Variants in CCDC149 observed in about 807,000 individuals in gnomAD.
CCDC149 encodes coiled-coil domain-containing protein 149.
Under a neutral mutation model 59.9 loss-of-function variants are expected in CCDC149, and 45 were observed. The ratio of observed to expected loss-of-function variants is 0.75; its 90% CI spans 0.59 to 0.96. The LOEUF (loss-of-function observed/expected upper bound fraction) is 0.96, where lower values mean the gene tolerates loss of function less well. Ranked by LOEUF, CCDC149 falls within the 40% of genes least tolerant of loss-of-function variation. The pLI is 0.00. For synonymous variants in CCDC149, 245 were observed against 260.6 expected (o/e 0.94, Z 0.58); for missense variants, 584 against 664.7 (o/e 0.88, Z 1.33).
At chr4:24,866,140 GA>G (rs1718681323) in intron 3 of CCDC149, among the ~76,000 whole-genome samples, 1 of 152,134 alleles carries the variant, frequency 6.6e-6, no homozygotes, top group African/African-American at 2.4e-5. Flanking sequence ...TTATGGAAAT[GA>G]AAGGTTCCTT....
chr4:24,808,686 AT>A lies in CCDC149; in HGVS notation c.1325del (p.His442LeufsTer13). 6.4e-7 allele frequency: 1 copy of A among 1,552,354 alleles called. No individual in the cohort carries two copies. Among genetic ancestry groups the A allele is most frequent in the Non-Finnish European group, 8.7e-7 (1 of 1,147,130 alleles). On this transcript the variant is annotated frameshift_variant, in exon 13 of 13. Transcript: ENST00000635206. LOFTEE classifies it low-confidence loss of function (END_TRUNC). ...CAGAAGGTAACTGGGGTAATGAAGG[AT>A]GAAAGAGCTTGCATTGGTTCCCGCG...
chr4:24,883,371 G>C (rs13140712), intron 1 of CCDC149, among the ~76,000 whole-genome samples: 63,488 of 149,106 alleles, frequency 0.43, 14,486 homozygotes, highest in Non-Finnish European at 0.52. Context: ...CATTTTAAAA[G>C]TCTGAAAACT....
downstream of CCDC149, among the ~76,000 whole-genome samples, chr4:24,803,992 T>C (rs1448791797): frequency 6.6e-6 from 1 of 152,100 alleles, no homozygotes; most frequent in Admixed American, 6.6e-5. This position sits in a 1 kb window ranked among gnomAD's most constrained non-coding sequence, Gnocchi z 4.3. Flanking sequence ...CCCAATTGCA[T>C]CTCTCTGATC....
intron 2 of CCDC149, among the ~76,000 whole-genome samples, chr4:24,875,844 C>T (rs1293036638): frequency 6.6e-6 from 1 of 152,108 alleles, no homozygotes; most frequent in Non-Finnish European, 1.5e-5. Context: ...TTTTAAAGAA[C>T]TCTATATAAT....
At chr4:24,950,499 G>A (rs1395118022) in intron 1 of CCDC149, among the ~76,000 whole-genome samples, 1 of 152,206 alleles carries the variant, frequency 6.6e-6, no homozygotes, top group Non-Finnish European at 1.5e-5. Context: ...TGGGAATATG[G>A]CTGCTGGGAA....
intron 3 of CCDC149, among the ~76,000 whole-genome samples, chr4:24,856,785 C>T (rs1463830603): frequency 6.6e-6 from 1 of 152,244 alleles, no homozygotes; most frequent in Non-Finnish European, 1.5e-5. Context: ...TCTGCCTTTC[C>T]TCCACGGAAC....
chr4:24,925,009 A>G (rs1223581664), intron 1 of CCDC149, among the ~76,000 whole-genome samples: 2 of 152,230 alleles, frequency 1.3e-5, no homozygotes, highest in African/African-American at 2.4e-5. Context: ...TACATCAGTT[A>G]TAAGTCCAGA....
intron 1 of CCDC149, among the ~76,000 whole-genome samples, chr4:24,928,545 A>C (rs1426729419): frequency 6.6e-6 from 1 of 152,204 alleles, no homozygotes; most frequent in Non-Finnish European, 1.5e-5. Context: ...ATATGAATCT[A>C]ACCATGACTG....
In CCDC149 at chr4:24,942,511, A is replaced by G. The variant is rs1031578187; in HGVS notation, c.-65+37558T>C. On this transcript the variant is annotated intron_variant, in intron 1 of 12. Coordinates refer to the CCDC149 transcript ENST00000389609. ...CAAGACAGGGATGCCCTCTCTCACC[A>G]CTCCTATTCAACATAGTGTTGGAAG... 5.3e-5 allele frequency among the ~76,000 whole-genome samples: 8 copies of G among 152,186 alleles called. 1 individual carries two copies. Among genetic ancestry groups the G allele is most frequent in the Admixed American group, 3.9e-4 (6 of 15,282 alleles).
intron 3 of CCDC149, among the ~76,000 whole-genome samples, chr4:24,859,928 T>A (rs947707725): frequency 6.6e-6 from 1 of 152,182 alleles, no homozygotes; most frequent in Non-Finnish European, 1.5e-5. Context: ...AAAGTACTAC[T>A]GAAAGAAATC....
intron 1 of CCDC149, among the ~76,000 whole-genome samples, chr4:24,929,841 TC>T (rs1228597864): frequency 6.6e-6 from 1 of 152,206 alleles, no homozygotes; most frequent in Non-Finnish European, 1.5e-5. Flanking sequence ...TAATATTTTT[TC>T]CCTACCTGAT....
chr4:24,912,159 GTATGTT>G (rs1721913244), intron 1 of CCDC149, among the ~76,000 whole-genome samples: 1 of 152,234 alleles, frequency 6.6e-6, no homozygotes, highest in Admixed American at 6.5e-5. Flanking sequence ...GACCCCCAGG[GTATGTT>G]TATGACAAAA....
At chr4:24,843,680 C>T (rs1717078033) in intron 4 of CCDC149, among the ~76,000 whole-genome samples, 1 of 152,216 alleles carries the variant, frequency 6.6e-6, no homozygotes, top group African/African-American at 2.4e-5. Context: ...CACGCACACA[C>T]TCAATAGTGT....
chr4:24,965,173 GC>G (rs2109363671), intron 1 of CCDC149, among the ~76,000 whole-genome samples: 1 of 151,238 alleles, frequency 6.6e-6, no homozygotes, highest in Non-Finnish European at 1.5e-5. Context: ...TATATTAGAA[GC>G]AATAGATTAC....
At chr4:24,834,908 T>C (rs377380752) in intron 8 of CCDC149, 40 bp downstream of exon 8, 133 of 1,476,076 alleles carry the variant, frequency 9.0e-5, no homozygotes, top group Non-Finnish European at 1.2e-4. Flanking sequence ...TCTAGTATTT[T>C]ACGCTCATGA....
At chr4:24,929,278 T>C (rs1722519450) in intron 1 of CCDC149, among the ~76,000 whole-genome samples, 1 of 151,962 alleles carries the variant, frequency 6.6e-6, no homozygotes, top group African/African-American at 2.4e-5. Context: ...TCCCAGGGAG[T>C]GGGAATCGGC....
intron 2 of CCDC149, 88 bp from the exon 3 acceptor site, chr4:24,873,807 T>G (rs1252140845): frequency 9.9e-7 from 1 of 1,006,950 alleles, no homozygotes; most frequent in Admixed American, 1.9e-5. Flanking sequence ...TGAACCTAAA[T>G]GTAGACTCTC....
At chr4:24,977,341 C>A (rs1457069349) in intron 1 of CCDC149, among the ~76,000 whole-genome samples, 4 of 152,186 alleles carry the variant, frequency 2.6e-5, no homozygotes, top group Non-Finnish European at 5.9e-5. Flanking sequence ...ATCTACTAAG[C>A]ACAGACAAAA....
intron 7 of CCDC149, 47 bp from the exon 8 acceptor site, chr4:24,835,079 A>T (rs748027325): frequency 2.1e-5 from 29 of 1,392,480 alleles, no homozygotes; most frequent in Non-Finnish European, 3.0e-5. Context: ...AAAAGCCAAC[A>T]ATGGAAAAGT....
Sources: allele counts gnomAD v4.1 joint callset (sites outside exome capture counted in the v4.1 genomes callset), GRCh38; gene constraint gnomAD v4.1.1; non-coding constraint Gnocchi (gnomAD v3.1); transcripts MANE v1.5; gene names NCBI Gene and HGNC (gene_info 2026-07-23, HGNC 2026-07-21).